The following HSPA12A variants were observed in gnomAD, a reference collection of about 807,000 sequenced individuals.
HSPA12A encodes the protein heat shock protein family A (Hsp70) member 12A.
HSPA12A carries 28 observed loss-of-function variants against 69.2 expected under a neutral mutation model. The ratio of observed to expected loss-of-function variants is 0.40; its 90% CI spans 0.30 to 0.55. The LOEUF (loss-of-function observed/expected upper bound fraction) is 0.55, where lower values mean the gene tolerates loss of function less well. HSPA12A is among the 20% of genes least tolerant of loss of function. The pLI is 0.38. For missense variants in HSPA12A, 686 were observed against 900.7 expected (o/e 0.76, Z 3.05); for synonymous variants, 345 against 370.5 (o/e 0.93, Z 0.79).
At chr10:116,800,709 C>G (rs1365072063) in intron 2 of HSPA12A, among the ~76,000 whole-genome samples, 1 of 152,210 alleles carries the variant, frequency 6.6e-6, no homozygotes, top group Non-Finnish European at 1.5e-5. Context: ...CCTTGTCCCA[C>G]AGTCCAGGGT....
intron 1 of HSPA12A, among the ~76,000 whole-genome samples, chr10:116,845,751 C>T (rs1054595314): frequency 5.9e-5 from 9 of 152,050 alleles, no homozygotes; most frequent in Non-Finnish European, 8.8e-5. Context: ...ATGCAATCAC[C>T]GAGGTACTAA....
intron 1 of HSPA12A, among the ~76,000 whole-genome samples, chr10:116,731,006 C>A (rs1851135414): frequency 6.6e-6 from 1 of 152,240 alleles, no homozygotes; most frequent in South Asian, 2.1e-4. Flanking sequence ...CGTGGGCCAG[C>A]TTCTCTGCGC....
Position 116,723,110 on chromosome 10 carries a change from T to A in HSPA12A, c.41-15825A>T, listed in dbSNP as rs1390889659. 6.6e-6 allele frequency among the ~76,000 whole-genome samples: 1 copy of A among 152,068 alleles called. No homozygotes were observed. Among genetic ancestry groups the A allele is most frequent in the Non-Finnish European group, 1.5e-5 (1 of 67,998 alleles). On this transcript the variant is annotated intron_variant, in intron 1 of 11. Coordinates refer to ENST00000369209, the MANE Select transcript of HSPA12A (RefSeq NM_025015.3). The surrounding 1 kb of genome is among the most constrained non-coding windows in gnomAD (Gnocchi z 4.1). ...CATCACAACCACCACCATCATCATG[T>A]CACTCCCAGCCTCAAGCACCTACTG...
chr10:116,807,895 C>T (rs1845098590), intron 2 of HSPA12A, among the ~76,000 whole-genome samples: 1 of 152,202 alleles, frequency 6.6e-6, no homozygotes, highest in Non-Finnish European at 1.5e-5. Flanking sequence ...TGCGCCCAGA[C>T]TTCATCCTGG....
At chr10:116,720,327 A>G (rs1850736224) in intron 1 of HSPA12A, among the ~76,000 whole-genome samples, 1 of 151,972 alleles carries the variant, frequency 6.6e-6, no homozygotes, top group Non-Finnish European at 1.5e-5. Context: ...GGACCCATCC[A>G]GTGGTTAATC....
intron 7 of HSPA12A, among the ~76,000 whole-genome samples, 192 bp from the exon 8 acceptor site, chr10:116,682,069 C>T (rs777098943): frequency 2.6e-5 from 4 of 152,214 alleles, no homozygotes; most frequent in Non-Finnish European, 4.4e-5. Flanking sequence ...TTCCACCGGC[C>T]TTCCTCTATT....
chr10:116,803,458 C>A (rs933455387), intron 2 of HSPA12A, among the ~76,000 whole-genome samples: 1 of 152,152 alleles, frequency 6.6e-6, no homozygotes. Flanking sequence ...CCGCAGGCAC[C>A]CCCTGAGCTG....
rs1849586903 is a variant in HSPA12A at position 116,686,773 on chromosome 10, A to G, written c.664-2811T>C. Among the ~76,000 whole-genome samples, 1 of 150,002 alleles carries G rather than the reference A, an allele frequency of 6.7e-6. No individual in the cohort carries two copies. Among genetic ancestry groups the G allele is most frequent in the African/African-American group, 2.5e-5 (1 of 40,656 alleles). ...CACTCCTCATCCCTCTTCCCACACC[A>G]TAAGTTCCACCCCTCATCCCTCTTC... is the stretch of plus-strand genomic sequence containing the variant. On this transcript the variant is annotated intron_variant, in intron 6 of 11. Coordinates refer to ENST00000369209, the MANE Select transcript of HSPA12A (RefSeq NM_025015.3). This position sits in a 1 kb window ranked among gnomAD's most constrained non-coding sequence, Gnocchi z 4.1.
intron 3 of HSPA12A, among the ~76,000 whole-genome samples, chr10:116,702,408 C>T (rs949576618): frequency 1.3e-5 from 2 of 152,148 alleles, no homozygotes; most frequent in Non-Finnish European, 2.9e-5. Context: ...CAGCTGATCC[C>T]GGACCTGCTC....
intron 2 of HSPA12A, among the ~76,000 whole-genome samples, chr10:116,776,121 C>A (rs1844331993): frequency 6.6e-6 from 1 of 152,182 alleles, no homozygotes; most frequent in African/African-American, 2.4e-5. Context: ...GCTCCTGGTT[C>A]CCAGGTCCCT....
At chr10:116,726,503 C>G (rs1169945751) in intron 1 of HSPA12A, among the ~76,000 whole-genome samples, 1 of 151,846 alleles carries the variant, frequency 6.6e-6, no homozygotes, top group Non-Finnish European at 1.5e-5. Context: ...CTTGCTGGGT[C>G]TCTGATATCA....
chr10:116,728,719 C>T (rs1851055798), intron 1 of HSPA12A, among the ~76,000 whole-genome samples: 1 of 152,210 alleles, frequency 6.6e-6, no homozygotes, highest in Non-Finnish European at 1.5e-5. Flanking sequence ...CTATGTGCCA[C>T]TGCTTATCTA....
At chr10:116,787,206 G>C (rs1844597944) in intron 2 of HSPA12A, among the ~76,000 whole-genome samples, 1 of 151,944 alleles carries the variant, frequency 6.6e-6, no homozygotes. Flanking sequence ...GTGCGGCCTG[G>C]TTTAAAAGTC....
At chr10:116,826,288 G>A (rs1298092872) in intron 2 of HSPA12A, among the ~76,000 whole-genome samples, 2 of 152,194 alleles carry the variant, frequency 1.3e-5, no homozygotes, top group African/African-American at 4.8e-5. Context: ...ATGACAGTCT[G>A]AGAACCCTGA....
chr10:116,739,914 A>ATT (rs1341770605), intron 1 of HSPA12A, among the ~76,000 whole-genome samples: 2 of 151,470 alleles, frequency 1.3e-5, no homozygotes, highest in African/African-American at 4.9e-5. Context: ...GTTGGAGAAG[A>ATT]TTTCATGGCC....
chr10:116,762,711 C>T (rs1554889398), intron 2 of HSPA12A, among the ~76,000 whole-genome samples: 1 of 152,180 alleles, frequency 6.6e-6, no homozygotes, highest in Non-Finnish European at 1.5e-5. Context: ...AGTCTCCCCG[C>T]TAGCTGGGAC....
At chr10:116,762,272 G>A (rs541842352) in intron 2 of HSPA12A, among the ~76,000 whole-genome samples, 2 of 152,260 alleles carry the variant, frequency 1.3e-5, no homozygotes, top group South Asian at 4.2e-4. Flanking sequence ...CTTCCCACCT[G>A]GATGACTGTC....
At chr10:116,732,254 C>T (rs1216759242) in intron 1 of HSPA12A, among the ~76,000 whole-genome samples, 1 of 150,654 alleles carries the variant, frequency 6.6e-6, no homozygotes, top group Non-Finnish European at 1.5e-5. Context: ...CGTTTGAACC[C>T]GGGAGGCGGA....
intron 7 of HSPA12A, among the ~76,000 whole-genome samples, chr10:116,682,111 C>T (rs1554878709): frequency 6.6e-6 from 1 of 152,142 alleles, no homozygotes; most frequent in Admixed American, 6.5e-5. Context: ...GCTGAAAAGC[C>T]CACCCTGATG....
Sources: gnomAD v4.1 joint callset for allele counts (sites outside exome capture counted in the v4.1 genomes callset) on GRCh38, gnomAD v4.1.1 for gene constraint, Gnocchi (gnomAD v3.1) non-coding constraint, MANE v1.5 for transcripts, NCBI Gene and HGNC (gene_info 2026-07-23, HGNC 2026-07-21) for gene names.